Variants in HSD17B12 observed in about 807,000 individuals in gnomAD.
HSD17B12 encodes the protein very-long-chain 3-oxoacyl-CoA reductase.
HSD17B12 carries 32 observed loss-of-function variants against 39.3 expected under a neutral mutation model. That is an observed-to-expected ratio of 0.81 (90% confidence interval 0.61 to 1.09). The LOEUF (loss-of-function observed/expected upper bound fraction) is 1.09, where lower values mean the gene tolerates loss of function less well. Among genes scored for constraint, HSD17B12 ranks in the 50% least tolerant of loss-of-function variants. The pLI is 0.00. For missense variants in HSD17B12, 342 were observed against 382.9 expected (o/e 0.89, Z 0.89); for synonymous variants, 150 against 146.7 (o/e 1.02, Z -0.16).
chr11:43,560,876 A>C, the HSD17B12 span, among the ~76,000 whole-genome samples: 1 of 152,056 alleles, frequency 6.6e-6, no homozygotes, highest in Non-Finnish European at 1.5e-5. Context: ...CAGGCTGAGA[A>C]CCCTATTACT....
chr11:43,640,500 C>T, the HSD17B12 span, among the ~76,000 whole-genome samples: 2 of 151,806 alleles, frequency 1.3e-5, no homozygotes, highest in African/African-American at 4.8e-5. Flanking sequence ...TATCTCTGTT[C>T]GAGAAAATTG....
chr11:43,568,682 G>A, the HSD17B12 span, among the ~76,000 whole-genome samples: 1,442 of 152,316 alleles, frequency 9.5e-3, 21 homozygotes, highest in African/African-American at 0.029. Context: ...CCTGTTTCCA[G>A]GTTTTGTTTA....
intron 6 of HSD17B12, among the ~76,000 whole-genome samples, chr11:43,829,356 C>T (rs1033376941): frequency 2.0e-5 from 3 of 152,010 alleles, no homozygotes; most frequent in African/African-American, 7.3e-5. Flanking sequence ...ACATAAAAGG[C>T]CTCTTGATGA....
the HSD17B12 span, among the ~76,000 whole-genome samples, chr11:43,636,220 C>T: frequency 5.9e-5 from 9 of 152,062 alleles, no homozygotes; most frequent in Non-Finnish European, 1.0e-4. Flanking sequence ...TATGTTGCAC[C>T]GTATTAAACT....
chr11:43,619,246 AT>A, the HSD17B12 span, among the ~76,000 whole-genome samples: 10 of 26,736 alleles, frequency 3.7e-4, no homozygotes, highest in Admixed American at 2.0e-3. Context: ...TATATATAAA[AT>A]ATATATATAT....
intron 1 of HSD17B12, among the ~76,000 whole-genome samples, chr11:43,722,680 C>T (rs1247017788): frequency 6.6e-6 from 1 of 152,132 alleles, no homozygotes; most frequent in Non-Finnish European, 1.5e-5. Flanking sequence ...AACCCCATCT[C>T]TACTAAAAAT....
chr11:43,655,421 C>T, the HSD17B12 span, among the ~76,000 whole-genome samples: 21 of 152,030 alleles, frequency 1.4e-4, no homozygotes, highest in African/African-American at 3.4e-4. Flanking sequence ...TGATTGCCCT[C>T]GCCAGAACTT....
chr11:43,788,716 T>C (rs1170150238), intron 3 of HSD17B12, among the ~76,000 whole-genome samples: 1 of 149,358 alleles, frequency 6.7e-6, no homozygotes, highest in Non-Finnish European at 1.5e-5. Flanking sequence ...AAAAGAAGTG[T>C]GATCTTGTAA....
chr11:43,605,975 T>C, the HSD17B12 span, among the ~76,000 whole-genome samples: 1 of 152,124 alleles, frequency 6.6e-6, no homozygotes, highest in East Asian at 1.9e-4. Flanking sequence ...GCCCAGAGTA[T>C]CTAAATGAGG....
At chr11:43,709,697 G>A (rs952512184) in intron 1 of HSD17B12, among the ~76,000 whole-genome samples, 4 of 152,138 alleles carry the variant, frequency 2.6e-5, no homozygotes, top group Non-Finnish European at 4.4e-5. Context: ...CTTAAATTAA[G>A]TAGATATAAA....
chr11:43,656,525 C>T, the HSD17B12 span, among the ~76,000 whole-genome samples: 1 of 152,064 alleles, frequency 6.6e-6, no homozygotes, highest in Non-Finnish European at 1.5e-5. Flanking sequence ...CCTGCTTTCT[C>T]TTGTGGGCAT....
chr11:43,764,292 G>A (rs1197663361), intron 3 of HSD17B12, among the ~76,000 whole-genome samples: 1 of 152,106 alleles, frequency 6.6e-6, no homozygotes, highest in East Asian at 1.9e-4. Context: ...CACTGTTTGA[G>A]CTGGCCATTT....
the HSD17B12 span, among the ~76,000 whole-genome samples, chr11:43,637,323 C>T: frequency 2.7e-5 from 4 of 150,036 alleles, no homozygotes; most frequent in East Asian, 2.0e-4. Context: ...CAGGTTCCAG[C>T]GATTCTCCTG....
chr11:43,673,462 T>TTTTTC, the HSD17B12 span: 3,555 of 119,912 alleles, frequency 0.03, 392 homozygotes, highest in African/African-American at 0.076. Context: ...TCCTTTAGTC[T>TTTTTC]TTTTCTTTTC....
At chr11:43,665,967 T>A in the HSD17B12 span, among the ~76,000 whole-genome samples, 3 of 152,320 alleles carry the variant, frequency 2.0e-5, no homozygotes, top group Non-Finnish European at 4.4e-5. Flanking sequence ...TAGATGGAGT[T>A]TATTGTACGC....
chr11:43,572,409 C>T, the HSD17B12 span, among the ~76,000 whole-genome samples: 6 of 152,184 alleles, frequency 3.9e-5, no homozygotes, highest in African/African-American at 1.4e-4. Flanking sequence ...ACACCTCCAA[C>T]TCCACATGTT....
chr11:43,712,581 T>A (rs951863438), intron 1 of HSD17B12, among the ~76,000 whole-genome samples: 21 of 152,198 alleles, frequency 1.4e-4, no homozygotes, highest in African/African-American at 5.1e-4. Context: ...CTGCACTGAG[T>A]TTTCCTGCCC....
At chr11:43,723,395 C>T (rs764601150) in intron 1 of HSD17B12, among the ~76,000 whole-genome samples, 2 of 152,262 alleles carry the variant, frequency 1.3e-5, no homozygotes, top group South Asian at 2.1e-4. Flanking sequence ...TTGACTAGAT[C>T]TGTCATTCAA....
chr11:43,690,402 A>ATTTTTTT (rs1454701982), intron 1 of HSD17B12, among the ~76,000 whole-genome samples: 1 of 26,226 alleles, frequency 3.8e-5, no homozygotes, highest in Non-Finnish European at 6.2e-5. Context: ...ATATATATAT[A>ATTTTTTT]TATTTTTTTT....
Sources: gnomAD v4.1 joint callset for allele counts (sites outside exome capture counted in the v4.1 genomes callset) on GRCh38, gnomAD v4.1.1 for gene constraint, MANE v1.5 for transcripts, NCBI Gene and HGNC (gene_info 2026-07-23, HGNC 2026-07-21) for gene names.